The following NDRG4 variants were observed in gnomAD, a reference collection of about 807,000 sequenced individuals.
NDRG4 encodes protein NDRG4.
NDRG4 carries 38 observed loss-of-function variants against 55.8 expected under a neutral mutation model. That is an observed-to-expected ratio of 0.68 (90% confidence interval 0.53 to 0.89). The LOEUF is 0.89. Among genes scored for constraint, NDRG4 ranks in the 40% least tolerant of loss-of-function variants. The pLI is 0.00. For missense variants in NDRG4, 455 were observed against 468.6 expected (o/e 0.97, Z 0.27); for synonymous variants, 190 against 182.7 (o/e 1.04, Z -0.32).
intron 1 of NDRG4, 23 bp from the exon 2 acceptor site, chr16:58,503,775 C>T (rs1164626839): frequency 1.9e-6 from 3 of 1,613,462 alleles, no homozygotes; most frequent in East Asian, 4.5e-5. Context: ...CCCAGAGTGT[C>T]CAGCACGGTC....
At chr16:58,492,510 GT>G (rs1351185736) in intron 2 of NDRG4, among the ~76,000 whole-genome samples, 10 of 90,180 alleles carry the variant, frequency 1.1e-4, no homozygotes, top group Non-Finnish European at 2.7e-4. Context: ...GTGTGTGTGT[GT>G]GTGTGTGTGT....
chr16:58,470,991 C>A (rs1375647490), intron 1 of NDRG4, among the ~76,000 whole-genome samples: 1 of 150,634 alleles, frequency 6.6e-6, no homozygotes, highest in Non-Finnish European at 1.5e-5. Flanking sequence ...GCAAGAAGCT[C>A]TGTTGTTGGA....
At chr16:58,471,207 T>TTTTTTTTTTC (rs2032757076) in intron 1 of NDRG4, among the ~76,000 whole-genome samples, 2 of 132,288 alleles carry the variant, frequency 1.5e-5, no homozygotes, top group Non-Finnish European at 3.3e-5. Context: ...TTTTTTTTTT[T>TTTTTTTTTTC]TTTTTGGAGA....
chr16:58,464,143 C>G lies in NDRG4; in HGVS notation c.-24+346C>G. 2.8e-6 allele frequency: 1 copy of G among 353,056 alleles called. No individual in the cohort carries two copies. The highest frequency in any genetic ancestry group is 5.1e-6 in the Non-Finnish European group (1 of 197,476). The allele number at this position is 353,056 out of a possible 1,614,324, so 21.9% of individuals were successfully genotyped here. ...ACCACCTCCCACGGTGTCACCGCAC[C>G]CACCCCGCGCCCTTCCTCCGCCTCC... On this transcript the variant is annotated intron_variant, in intron 1 of 15. Transcript: ENST00000258187. This position sits in a 1 kb window ranked among gnomAD's most constrained non-coding sequence, Gnocchi z 4.8.
intron 1 of NDRG4, among the ~76,000 whole-genome samples, chr16:58,484,883 CTT>C (rs572251728): frequency 7.3e-4 from 98 of 133,788 alleles, no homozygotes; most frequent in Admixed American, 1.4e-3. Flanking sequence ...TCATAACTTA[CTT>C]TTTTTTTTTT....
At chr16:58,508,929 G>A (rs748898319) in intron 10 of NDRG4, 33 bp from the exon 11 acceptor site, 3 of 1,610,624 alleles carry the variant, frequency 1.9e-6, no homozygotes, top group African/African-American at 1.3e-5. Context: ...GGAGGGGCAG[G>A]GGCTGTTGCT....
intron 1 of NDRG4, among the ~76,000 whole-genome samples, chr16:58,481,914 T>C (rs1597126161): frequency 6.6e-6 from 1 of 152,250 alleles, no homozygotes; most frequent in East Asian, 1.9e-4. Flanking sequence ...TATAGTGCAG[T>C]TGGAAGGTGA....
intron 5 of NDRG4, among the ~76,000 whole-genome samples, chr16:58,505,607 A>G (rs545665489): frequency 6.6e-6 from 1 of 151,754 alleles, no homozygotes; most frequent in African/African-American, 2.4e-5. Context: ...TTCTTTAAGC[A>G]CAGTCTAACA....
At chr16:58,503,952 A>C (rs771737366) in intron 2 of NDRG4, 49 bp downstream of exon 2, 6 of 1,598,112 alleles carry the variant, frequency 3.8e-6, no homozygotes, top group Non-Finnish European at 5.1e-6. Context: ...CCCATCAGCC[A>C]GAGCGGTGAG....
In NDRG4 at chr16:58,471,566, A is replaced by G. The variant is rs553549276; in HGVS notation, c.-24+7769A>G. The stretch of plus-strand genomic sequence containing the variant: ...GATGAGCACTTCCACCCAGCCTAGC[A>G]TAAACCTGGTCTCACAGAGCCAGGA... On this transcript the variant is annotated intron_variant, in intron 1 of 15. Coordinates refer to the NDRG4 transcript ENST00000258187. 1.1e-4 allele frequency among the ~76,000 whole-genome samples: 17 copies of G among 152,072 alleles called. No homozygotes were observed. In the East Asian group the frequency reaches 3.3e-3, roughly 29 times the overall value.
intron 1 of NDRG4, chr16:58,500,800 G>A (rs2036981489): frequency 4.8e-6 from 2 of 419,094 alleles, no homozygotes; most frequent in Non-Finnish European, 8.3e-6. Flanking sequence ...TGTTTGGATG[G>A]CTGCGCCAGT....
intron 13 of NDRG4, 79 bp from the exon 14 acceptor site, chr16:58,510,566 T>A: frequency 1.6e-6 from 2 of 1,250,418 alleles, no homozygotes; most frequent in Admixed American, 4.0e-5. Context: ...TCAATGCCCT[T>A]GACTCAGCGG....
chr16:58,481,913 G>T (rs1241815098), intron 1 of NDRG4, among the ~76,000 whole-genome samples: 1 of 152,176 alleles, frequency 6.6e-6, no homozygotes, highest in Non-Finnish European at 1.5e-5. Flanking sequence ...ATATAGTGCA[G>T]TTGGAAGGTG....
chr16:58,479,436 A>C (rs141379673), intron 1 of NDRG4, among the ~76,000 whole-genome samples: 1 of 152,202 alleles, frequency 6.6e-6, no homozygotes, highest in African/African-American at 2.4e-5. Context: ...ACTGCCTCTT[A>C]GTGCACACAT....
upstream of NDRG4, among the ~76,000 whole-genome samples, chr16:58,495,847 A>G (rs1337494598): frequency 2.0e-5 from 3 of 152,160 alleles, no homozygotes; most frequent in Admixed American, 6.5e-5. Flanking sequence ...TCCAAGCACA[A>G]AGGGCTCTGG....
chr16:58,511,904 C>CA lies in NDRG4; in HGVS notation c.*329dup. On this transcript the variant is annotated 3_prime_UTR_variant, in exon 15 of 15. Coordinates refer to ENST00000570248, the MANE Select transcript of NDRG4 (RefSeq NM_001242835.2). Reference sequence around the variant, plus strand: ...GGCCATTCCTGGGTGAGCCCTTGGGCAGGCATGTTTGGAGATGAGAGAGGC... The same window carrying CA: ...GGCCATTCCTGGGTGAGCCCTTGGGCAAGGCATGTTTGGAGATGAGAGAGGC... 2.2e-6 allele frequency: 1 copy of CA among 451,636 alleles called. No homozygotes were observed. The highest frequency in any genetic ancestry group is 1.8e-5 in the South Asian group (1 of 55,996). 28.0% of individuals were successfully genotyped at this position (451,636 alleles called of 1,614,324 possible). A position where few individuals can be genotyped will look rare whatever the true frequency, so the allele number is the denominator to read the frequency against.
chr16:58,500,448 T>G, intron 1 of NDRG4, 179 bp downstream of exon 1: 1 of 773,406 alleles, frequency 1.3e-6, no homozygotes, highest in Non-Finnish European at 1.9e-6. Flanking sequence ...GGTGATCCTG[T>G]TTGCAGGAGT....
intron 1 of NDRG4, among the ~76,000 whole-genome samples, chr16:58,485,580 C>A (rs1489736442): frequency 6.6e-6 from 1 of 152,108 alleles, no homozygotes; most frequent in Non-Finnish European, 1.5e-5. Context: ...GGAGGGGACC[C>A]CTCTTTCAGC....
intron 2 of NDRG4, among the ~76,000 whole-genome samples, chr16:58,494,432 T>G (rs919739062): frequency 1.3e-5 from 2 of 152,088 alleles, no homozygotes; most frequent in African/African-American, 2.4e-5. Context: ...TGTGGCCTGA[T>G]GGTCAGACCA....
Sources: gnomAD v4.1 joint callset for allele counts (sites outside exome capture counted in the v4.1 genomes callset) on GRCh38, gnomAD v4.1.1 for gene constraint, Gnocchi (gnomAD v3.1) non-coding constraint, MANE v1.5 for transcripts, NCBI Gene and HGNC (gene_info 2026-07-23, HGNC 2026-07-21) for gene names.